The following BCAS3 variants were observed in gnomAD, a reference collection of about 807,000 sequenced individuals.
BCAS3 encodes BCAS3 microtubule associated cell migration factor, also known as BCAS4/BCAS3 fusion.
In BCAS3, 53 loss-of-function variants were observed where a neutral mutation model predicts 116.1. The ratio of observed to expected loss-of-function variants is 0.46; its 90% CI spans 0.37 to 0.57. The LOEUF (loss-of-function observed/expected upper bound fraction) is 0.57, where lower values mean the gene tolerates loss of function less well. Ranked by LOEUF, BCAS3 falls within the 20% of genes least tolerant of loss-of-function variation. The probability of loss-of-function intolerance (pLI) is 0.00; values close to 1 mark genes in which losing one functional copy is unlikely to be tolerated. For synonymous variants in BCAS3, 391 were observed against 408.2 expected (o/e 0.96, Z 0.51); for missense variants, 917 against 1,165.4 (o/e 0.79, Z 3.10).
chr17:61,386,843 A>G (rs1447457524), intron 23 of BCAS3, among the ~76,000 whole-genome samples: 1 of 145,852 alleles, frequency 6.9e-6, no homozygotes, highest in Non-Finnish European at 1.5e-5. Context: ...TAGTGGCACA[A>G]TCATAGCCCA....
rs923608108 is a variant in BCAS3, at chr17:61,249,136, A to C, written c.2426-119191A>C. Among the ~76,000 whole-genome samples the C allele has an allele frequency of 5.3e-5, 8 of 152,026 alleles. No homozygotes were observed. Among genetic ancestry groups the C allele is most frequent in the African/African-American group, 1.9e-4 (8 of 41,360 alleles). ...CCCCATCTCTACTAAAAATACAAAAAATTAGCCGGGAATGGTGGCGGGTGC... is the reference window on the plus strand; with the variant it reads ...CCCCATCTCTACTAAAAATACAAAACATTAGCCGGGAATGGTGGCGGGTGC... On this transcript the variant is annotated intron_variant, in intron 22 of 23. Coordinates refer to ENST00000407086, the MANE Select transcript of BCAS3 (RefSeq NM_017679.5). The surrounding 1 kb of genome is among the most constrained non-coding windows in gnomAD (Gnocchi z 6.2).
chr17:60,689,535 G>C (rs531518679), intron 3 of BCAS3, 151 bp from the exon 4 acceptor site: 23 of 488,434 alleles, frequency 4.7e-5, no homozygotes, highest in African/African-American at 4.0e-4. Context: ...TTCTTTGGGG[G>C]TAATAATGTT....
intron 22 of BCAS3, among the ~76,000 whole-genome samples, chr17:61,149,643 A>G (rs1475238056): frequency 6.6e-6 from 1 of 152,182 alleles, no homozygotes; most frequent in Non-Finnish European, 1.5e-5. Flanking sequence ...CAGCAAATGT[A>G]GGATTTGTGG....
chr17:61,349,123 G>T lies in BCAS3; in HGVS notation c.2426-19204G>T, dbSNP rs1339369352. On this transcript the variant is annotated intron_variant, in intron 22 of 23. Coordinates refer to ENST00000407086, the MANE Select transcript of BCAS3 (RefSeq NM_017679.5). This position sits in a 1 kb window ranked among gnomAD's most constrained non-coding sequence, Gnocchi z 4.7. Reference sequence around the variant, plus strand: ...GGAGCAGTGGTTCCCAAAATCCCTGGATAAGAATCCAGTCCTACCCTAGAA... The same window carrying T: ...GGAGCAGTGGTTCCCAAAATCCCTGTATAAGAATCCAGTCCTACCCTAGAA... Among the ~76,000 whole-genome samples, 1 of 152,144 alleles carries T rather than the reference G, an allele frequency of 6.6e-6. No homozygotes were observed. Among genetic ancestry groups the T allele is most frequent in the Admixed American group, 6.6e-5 (1 of 15,264 alleles).
intron 7 of BCAS3, among the ~76,000 whole-genome samples, chr17:60,866,720 A>G (rs1212819275): frequency 6.7e-6 from 1 of 149,716 alleles, no homozygotes; most frequent in East Asian, 2.0e-4. Context: ...GGCACTCTGT[A>G]CATTTTAAGG....
chr17:60,974,184 C>T (rs1204630750), intron 14 of BCAS3, among the ~76,000 whole-genome samples: 1 of 151,810 alleles, frequency 6.6e-6, no homozygotes. Context: ...TTAAATAATC[C>T]CAAAATGTTA....
Position 61,290,926 on chromosome 17 carries a change from G to A in BCAS3, c.2426-77401G>A, listed in dbSNP as rs745743139. On this transcript the variant is annotated intron_variant, in intron 22 of 23. Coordinates refer to ENST00000407086, the MANE Select transcript of BCAS3 (RefSeq NM_017679.5). ...CTCCCAAGTAGCTGGGACTACAGGT[G>A]CCTGCCACCACGCCCGGCTAATTTT... 3.9e-5 allele frequency among the ~76,000 whole-genome samples: 6 copies of A among 152,240 alleles called. No individual in the cohort carries two copies. The East Asian group carries it at 7.7e-4, about 20-fold the overall frequency.
chr17:60,789,190 A>G (rs1049142186), intron 6 of BCAS3, among the ~76,000 whole-genome samples: 1 of 152,190 alleles, frequency 6.6e-6, no homozygotes, highest in South Asian at 2.1e-4. Flanking sequence ...TCAAAAGAGA[A>G]GAGTTGAGAT....
At chr17:60,707,496 C>T (rs2037321096) in intron 4 of BCAS3, among the ~76,000 whole-genome samples, 1 of 152,176 alleles carries the variant, frequency 6.6e-6, no homozygotes, top group Admixed American at 6.5e-5. Context: ...TGTACTTTTC[C>T]CCTTCCAATC....
chr17:60,688,742 G>A (rs967363436), intron 3 of BCAS3, among the ~76,000 whole-genome samples: 2 of 151,706 alleles, frequency 1.3e-5, no homozygotes, highest in Non-Finnish European at 1.5e-5. Flanking sequence ...CTTGAACCCG[G>A]GAGGTGGAGG....
intron 7 of BCAS3, among the ~76,000 whole-genome samples, chr17:60,847,891 G>T (rs1194235892): frequency 6.6e-6 from 1 of 151,892 alleles, no homozygotes; most frequent in African/African-American, 2.4e-5. Context: ...TATACTTTTG[G>T]TATCATATCT....
intron 13 of BCAS3, among the ~76,000 whole-genome samples, chr17:60,936,328 T>C (rs2059924941): frequency 6.6e-6 from 1 of 150,796 alleles, no homozygotes; most frequent in Non-Finnish European, 1.5e-5. Context: ...TACATGTGCA[T>C]GTGTCTTTAT....
chr17:60,921,505 T>A lies in BCAS3; in HGVS notation c.994-2902T>A, dbSNP rs900226077. 2.0e-5 allele frequency among the ~76,000 whole-genome samples: 3 copies of A among 146,844 alleles called. No individual in the cohort carries two copies. In the East Asian group the frequency reaches 6.1e-4, roughly 30 times the overall value. ...GCGGGCGCCTGTAGTCCCAGCTACT[T>A]GGGAGGCTGAGGCAGGAGAATGGCG... On this transcript the variant is annotated intron_variant, in intron 12 of 23. Coordinates refer to ENST00000407086, the MANE Select transcript of BCAS3 (RefSeq NM_017679.5).
rs977865886 is a variant in BCAS3, at chr17:61,063,340, G to A, written c.2030-11580G>A. Among the ~76,000 whole-genome samples, 8 of 151,898 alleles carry A rather than the reference G, an allele frequency of 5.3e-5. No homozygotes were observed. Among genetic ancestry groups the A allele is most frequent in the Admixed American group, 2.0e-4 (3 of 15,252 alleles). ...GCTGGAGTGCGGTGGCACAATCTCG[G>A]CTCACTGCAGCCTTTGCCTCCTGGG... is the stretch of plus-strand genomic sequence containing the variant. On this transcript the variant is annotated intron_variant, in intron 19 of 23. Transcript: ENST00000407086. The surrounding 1 kb of genome is among the most constrained non-coding windows in gnomAD (Gnocchi z 5.3).
At chr17:60,943,761 A>G (rs2060341857) in intron 13 of BCAS3, among the ~76,000 whole-genome samples, 1 of 152,138 alleles carries the variant, frequency 6.6e-6, no homozygotes. Context: ...ATTTCAAGCC[A>G]TAAAACAAAC....
In BCAS3 at chr17:60,893,600, C is replaced by CTTTTTTTTTT. The variant is rs930873750; in HGVS notation, c.738+3844_738+3853dup. On this transcript the variant is annotated intron_variant, in intron 10 of 23. Coordinates refer to ENST00000407086, the MANE Select transcript of BCAS3 (RefSeq NM_017679.5). ...CTGTTCAGTTATCTTGACCTATGATCTTTTTTTTTTTTTTTTTTTTTTTTG... is the reference window on the plus strand; with the variant it reads ...CTGTTCAGTTATCTTGACCTATGATCTTTTTTTTTTTTTTTTTTTTTTTTTTTTTTTTTTG... Among the ~76,000 whole-genome samples, 31 of 82,052 alleles carry CTTTTTTTTTT rather than the reference C, an allele frequency of 3.8e-4. 2 individuals carry two copies. Among genetic ancestry groups the CTTTTTTTTTT allele is most frequent in the African/African-American group, 5.4e-4 (10 of 18,652 alleles). The allele number at this position is 82,052 out of a possible 152,430, so 53.8% of individuals were successfully genotyped here.
chr17:60,785,651 T>C (rs2046224358), intron 6 of BCAS3, among the ~76,000 whole-genome samples: 1 of 152,228 alleles, frequency 6.6e-6, no homozygotes, highest in South Asian at 2.1e-4. Flanking sequence ...TGTATATTTG[T>C]TGACCTGAAG....
intron 7 of BCAS3, among the ~76,000 whole-genome samples, chr17:60,828,979 C>T (rs1473641113): frequency 6.6e-6 from 1 of 152,076 alleles, no homozygotes; most frequent in Non-Finnish European, 1.5e-5. Flanking sequence ...ACCTGCTATA[C>T]TGTGCATCCT....
chr17:61,386,783 GTTTTTGT>G (rs1464951235), intron 23 of BCAS3, among the ~76,000 whole-genome samples: 36 of 115,280 alleles, frequency 3.1e-4, no homozygotes, highest in Non-Finnish European at 5.9e-4. Context: ...GTTTTTTTTT[GTTTTTGT>G]TTTTTGTTTT....
Sources: allele counts gnomAD v4.1 joint callset (sites outside exome capture counted in the v4.1 genomes callset), GRCh38; gene constraint gnomAD v4.1.1; non-coding constraint Gnocchi (gnomAD v3.1); transcripts MANE v1.5; gene names NCBI Gene and HGNC (gene_info 2026-07-23, HGNC 2026-07-21).